Variants in ECT2L observed in about 807,000 individuals in gnomAD.
The protein encoded by ECT2L is epithelial cell transforming 2 like.
In ECT2L, 126 loss-of-function variants were observed where a neutral mutation model predicts 122.8. That is an observed-to-expected ratio of 1.03 (90% CI 0.89 to 1.19). ECT2L has a LOEUF of 1.19. Ranked by LOEUF, ECT2L falls within the 50% of genes most tolerant of loss-of-function variation. The probability of loss-of-function intolerance (pLI) is 0.00; values close to 1 mark genes in which losing one functional copy is unlikely to be tolerated. For synonymous variants in ECT2L, 385 were observed against 381.8 expected (o/e 1.01, Z -0.10); for missense variants, 1,012 against 1,064.1 (o/e 0.95, Z 0.68).
At chr6:138,884,715 T>C (rs1778754213) in intron 16 of ECT2L, among the ~76,000 whole-genome samples, 2 of 152,126 alleles carry the variant, frequency 1.3e-5, no homozygotes, top group African/African-American at 4.8e-5. Context: ...GAAAACGTAA[T>C]TAACAGAAGT....
chr6:138,868,846 C>A (rs1259712388), intron 13 of ECT2L, among the ~76,000 whole-genome samples: 1 of 152,152 alleles, frequency 6.6e-6, no homozygotes, highest in African/African-American at 2.4e-5. Context: ...GCTCTCCCAG[C>A]CCCAAAGAGG....
chr6:138,827,616 G>A (rs886371383), intron 4 of ECT2L, among the ~76,000 whole-genome samples: 13 of 151,982 alleles, frequency 8.6e-5, no homozygotes, highest in Admixed American at 3.3e-4. Context: ...GAGTGCAGCC[G>A]CACAATCTTG....
intron 9 of ECT2L, among the ~76,000 whole-genome samples, chr6:138,852,232 A>C (rs556176593): frequency 7.6e-4 from 115 of 152,226 alleles, no homozygotes; most frequent in Non-Finnish European, 1.3e-3. Context: ...ACTGCACTCC[A>C]GCCTGGGCTA....
intron 9 of ECT2L, among the ~76,000 whole-genome samples, chr6:138,852,694 C>T (rs1777490752): frequency 6.6e-6 from 1 of 152,210 alleles, no homozygotes; most frequent in Non-Finnish European, 1.5e-5. Context: ...GTTTAGCTTA[C>T]CTGTGCCTGG....
intron 15 of ECT2L, among the ~76,000 whole-genome samples, chr6:138,882,167 G>A (rs901532165): frequency 6.6e-6 from 1 of 152,186 alleles, no homozygotes; most frequent in Non-Finnish European, 1.5e-5. Context: ...GTGGTAAAAG[G>A]AGGCAACCTG....
rs1777987226 is a variant in ECT2L, at chr6:138,865,166, G to A, written c.1462G>A (p.Gly488Ser). Reference sequence around the variant, plus strand: ...CAAGGAACTGCAGAAGAGCATCAGTGGCAGGATGATAGGTAAGCAGTCTTG... The same window carrying A: ...CAAGGAACTGCAGAAGAGCATCAGTAGCAGGATGATAGGTAAGCAGTCTTG... ...FFKELQKSIS[G>S]RMIGQFMFDT... is the part of the protein sequence containing the mutation. The change falls in exon 12 of 22, where the codon GGC becomes AGC. Residue 488 changes from glycine (G) to serine (S), a missense_variant. Coordinates refer to ENST00000541398, the MANE Select transcript of ECT2L (RefSeq NM_001077706.3). The A allele has an allele frequency of 3.1e-6, 5 of 1,610,664 alleles. No homozygotes were observed. The highest frequency in any genetic ancestry group is 1.3e-5 in the African/African-American group (1 of 75,002).
intron 14 of ECT2L, 101 bp downstream of exon 14, chr6:138,876,659 C>T: frequency 1.5e-6 from 1 of 669,322 alleles, no homozygotes; most frequent in Non-Finnish European, 2.3e-6. Context: ...GAAAATTTCC[C>T]TTTGGGGGAT....
chr6:138,873,603 G>A (rs1778328780), intron 13 of ECT2L, among the ~76,000 whole-genome samples: 1 of 152,146 alleles, frequency 6.6e-6, no homozygotes, highest in African/African-American at 2.4e-5. Flanking sequence ...AGACCAGTCT[G>A]GCCAACAAGG....
intron 11 of ECT2L, among the ~76,000 whole-genome samples, 187 bp from the exon 12 acceptor site, chr6:138,864,809 G>A (rs1777967839): frequency 6.6e-6 from 1 of 152,124 alleles, no homozygotes; most frequent in African/African-American, 2.4e-5. Flanking sequence ...ATGATTCATT[G>A]AATCCTTTTC....
At chr6:138,864,084 G>A (rs1236739732) in intron 11 of ECT2L, among the ~76,000 whole-genome samples, 3 of 149,446 alleles carry the variant, frequency 2.0e-5, no homozygotes, top group South Asian at 4.3e-4. Flanking sequence ...ACTTTGGGAG[G>A]CTGAAGCAGG....
At chr6:138,813,376 T>A in intron 3 of ECT2L, 36 bp downstream of exon 3, 1 of 1,520,084 alleles carries the variant, frequency 6.6e-7, no homozygotes, top group Non-Finnish European at 9.0e-7. Flanking sequence ...CAAGTTTAAT[T>A]CGTAAGGTTA....
intron 20 of ECT2L, among the ~76,000 whole-genome samples, chr6:138,893,085 A>AGAG (rs147254319): frequency 0.088 from 13,334 of 152,110 alleles, 1,212 homozygotes; most frequent in African/African-American, 0.23. Context: ...TTAAGATGTC[A>AGAG]GAGGAGAAAC....
intron 4 of ECT2L, chr6:138,822,953 C>T: frequency 6.2e-7 from 1 of 1,612,116 alleles, no homozygotes; most frequent in Non-Finnish European, 8.5e-7. Flanking sequence ...ATGCCTATTA[C>T]AAGAAACAGA....
intron 18 of ECT2L, among the ~76,000 whole-genome samples, chr6:138,886,646 G>A (rs919091074): frequency 1.3e-5 from 2 of 151,860 alleles, no homozygotes; most frequent in African/African-American, 4.8e-5. Context: ...TTGAACTCCT[G>A]AGCTCAAGCC....
intron 1 of ECT2L, among the ~76,000 whole-genome samples, chr6:138,809,640 G>C (rs1775825032): frequency 6.6e-6 from 1 of 151,902 alleles, no homozygotes; most frequent in Non-Finnish European, 1.5e-5. Context: ...TCTCATATTT[G>C]GTAGGATTTA....
chr6:138,818,748 A>T (rs949404367), intron 4 of ECT2L, among the ~76,000 whole-genome samples: 1 of 152,072 alleles, frequency 6.6e-6, no homozygotes, highest in Admixed American at 6.6e-5. Flanking sequence ...ACTCGAGGAA[A>T]CATCAGGGGT....
intron 1 of ECT2L, among the ~76,000 whole-genome samples, chr6:138,811,170 G>T (rs1246550546): frequency 6.6e-6 from 1 of 152,158 alleles, no homozygotes; most frequent in African/African-American, 2.4e-5. Context: ...TTTCTCATTT[G>T]CTCACTGTGA....
rs1170631663 is a variant in ECT2L, at chr6:138,847,355, C to CTTTTTTTTTTT, written c.903+701_903+711dup. 6.4e-4 allele frequency among the ~76,000 whole-genome samples: 35 copies of CTTTTTTTTTTT among 54,958 alleles called. 9 individuals are homozygous for CTTTTTTTTTTT. Among genetic ancestry groups the CTTTTTTTTTTT allele is most frequent in the African/African-American group, 2.5e-3 (31 of 12,296 alleles). 36.1% of individuals were successfully genotyped at this position (54,958 alleles called of 152,430 possible). ...TTTGAAAAAGCATTAAAGGCCCAAA[C>CTTTTTTTTTTT]TTTTTTTTTTTTTTTTTTTTTTTTT... On this transcript the variant is annotated intron_variant, in intron 8 of 21. Coordinates refer to ENST00000541398, the MANE Select transcript of ECT2L (RefSeq NM_001077706.3).
At chr6:138,883,755 T>C (rs553796129) in intron 16 of ECT2L, among the ~76,000 whole-genome samples, 5 of 152,360 alleles carry the variant, frequency 3.3e-5, no homozygotes, top group African/African-American at 1.2e-4. Context: ...TCACATGGTA[T>C]CAGGAACACA....
Sources: gnomAD v4.1 joint callset for allele counts (sites outside exome capture counted in the v4.1 genomes callset) on GRCh38, gnomAD v4.1.1 for gene constraint, MANE v1.5 for transcripts, NCBI Gene and HGNC (gene_info 2026-07-23, HGNC 2026-07-21) for gene names.